The following LRRIQ3 variants were observed in gnomAD, a reference collection of about 807,000 sequenced individuals.
The protein encoded by LRRIQ3 is leucine-rich repeat and IQ domain-containing protein 3.
Under a neutral mutation model 59.3 loss-of-function variants are expected in LRRIQ3, and 75 were observed. That is an observed-to-expected ratio of 1.26 (90% CI 1.05 to 1.53). LRRIQ3 has a LOEUF of 1.53. Ranked by LOEUF, LRRIQ3 falls within the 40% of genes most tolerant of loss-of-function variation. The pLI is 0.00. For missense variants in LRRIQ3, 831 were observed against 710.0 expected, an observed-to-expected ratio of 1.17 and a Z score of -1.94; for synonymous variants, 250 against 231.3, an observed-to-expected ratio of 1.08 and a Z score of -0.73.
Position 74,183,612 on chromosome 1 carries a change from C to G in LRRIQ3, c.73G>C (p.Glu25Gln). 2 of 1,611,966 alleles carry G rather than the reference C, an allele frequency of 1.2e-6. No individual in the cohort carries two copies. The highest frequency in any genetic ancestry group is 1.7e-4 in the Middle Eastern group (1 of 6,050). Residue 25 changes from glutamate (E) to glutamine (Q), a missense_variant, in exon 2 of 8, where the codon GAA (glutamate) becomes CAA (glutamine). Coordinates refer to ENST00000354431, the MANE Select transcript of LRRIQ3 (RefSeq NM_001105659.2). Reference sequence around the variant, plus strand: ...ACAAAAACAAAATCTTTTTGACCTTCTCTTATGTTTTCATTATAGTGACTC... The same window carrying G: ...ACAAAAACAAAATCTTTTTGACCTTGTCTTATGTTTTCATTATAGTGACTC... Reference protein sequence around the residue: ...EWSHYNENIREGQKDFVFVKF... With the variant: ...EWSHYNENIRQGQKDFVFVKF...
chr1:74,087,655 T>C (rs1464687106), intron 5 of LRRIQ3, among the ~76,000 whole-genome samples: 4 of 152,124 alleles, frequency 2.6e-5, no homozygotes. Context: ...TTGATATCTG[T>C]ATTGATACTT....
At chr1:74,112,808 A>G (rs1211759574) in intron 4 of LRRIQ3, among the ~76,000 whole-genome samples, 2 of 152,170 alleles carry the variant, frequency 1.3e-5, no homozygotes, top group African/African-American at 2.4e-5. Context: ...CCAAATTATT[A>G]AACAAATAAA....
At chr1:74,130,459 G>A (rs921885889) in intron 4 of LRRIQ3, among the ~76,000 whole-genome samples, 8 of 152,078 alleles carry the variant, frequency 5.3e-5, no homozygotes, top group South Asian at 2.1e-4. Flanking sequence ...CTCTTTCCAC[G>A]CCATGTGGCC....
chr1:74,192,626 T>TA (rs1175542275), intron 1 of LRRIQ3, among the ~76,000 whole-genome samples: 1 of 152,134 alleles, frequency 6.6e-6, no homozygotes, highest in Non-Finnish European at 1.5e-5. Flanking sequence ...TTTTCTCTAT[T>TA]AATATTCACC....
rs1654342359 is a variant in LRRIQ3, at chr1:74,050,629, G to A, written c.998-8696C>T. 3 of 959,682 alleles carry A rather than the reference G, an allele frequency of 3.1e-6. No individual in the cohort carries two copies. In the South Asian group the frequency reaches 1.4e-4, roughly 46 times the overall value. The allele number at this position is 959,682 out of a possible 1,614,324, so 59.4% of individuals were successfully genotyped here. ...AAATCAGCATAGCTGTGATTTGAAT[G>A]CTCACAAGTGGGTCTGAAGCAGTTG... On this transcript the variant is annotated intron_variant, in intron 6 of 7. Coordinates refer to ENST00000354431, the MANE Select transcript of LRRIQ3 (RefSeq NM_001105659.2).
chr1:74,130,356 C>A (rs887413388), intron 4 of LRRIQ3, among the ~76,000 whole-genome samples: 1 of 152,064 alleles, frequency 6.6e-6, no homozygotes, highest in African/African-American at 2.4e-5. Context: ...CTGAGTTCCA[C>A]CAAGTGCCAC....
intron 6 of LRRIQ3, among the ~76,000 whole-genome samples, chr1:74,066,565 T>C (rs961958440): frequency 3.3e-5 from 5 of 152,162 alleles, no homozygotes; most frequent in Non-Finnish European, 7.4e-5. Flanking sequence ...AATTATTCTG[T>C]GCTAGATATT....
chr1:74,146,022 T>C (rs1248364170), intron 4 of LRRIQ3, among the ~76,000 whole-genome samples: 1 of 152,144 alleles, frequency 6.6e-6, no homozygotes, highest in Admixed American at 6.6e-5. Flanking sequence ...CACAAATATT[T>C]ATCATTATCT....
At chr1:74,090,840 G>A (rs1229089373) in intron 5 of LRRIQ3, among the ~76,000 whole-genome samples, 2 of 152,102 alleles carry the variant, frequency 1.3e-5, no homozygotes, top group Non-Finnish European at 2.9e-5. Context: ...ATTGGAGTGA[G>A]CCATGAATGT....
intron 7 of LRRIQ3, 32 bp downstream of exon 7, chr1:74,041,181 T>C (rs1654032102): frequency 6.8e-7 from 1 of 1,462,330 alleles, no homozygotes; most frequent in Admixed American, 2.2e-5. Context: ...TAATTGACTT[T>C]AATGCCTCTG....
chr1:74,158,192 C>A (rs1648453003), intron 3 of LRRIQ3, among the ~76,000 whole-genome samples: 1 of 152,104 alleles, frequency 6.6e-6, no homozygotes, highest in Non-Finnish European at 1.5e-5. Context: ...TACTAAAATT[C>A]TCCTAACTTA....
intron 5 of LRRIQ3, among the ~76,000 whole-genome samples, chr1:74,076,843 C>A (rs1438549258): frequency 1.3e-5 from 2 of 151,870 alleles, no homozygotes; most frequent in Non-Finnish European, 2.9e-5. Flanking sequence ...TTTAAAAATT[C>A]TTCACTCAAC....
chr1:74,122,618 C>A (rs547192446), intron 4 of LRRIQ3, among the ~76,000 whole-genome samples: 1 of 152,200 alleles, frequency 6.6e-6, no homozygotes, highest in East Asian at 1.9e-4. Flanking sequence ...GGAAAACTGG[C>A]TAGCCATACG....
chr1:74,108,299 G>A (rs1488455089), intron 5 of LRRIQ3, among the ~76,000 whole-genome samples: 1 of 151,706 alleles, frequency 6.6e-6, no homozygotes, highest in African/African-American at 2.4e-5. Context: ...TCTACACAGA[G>A]GGTCAAAACA....
chr1:74,039,204 G>A (rs995773639), intron 7 of LRRIQ3, among the ~76,000 whole-genome samples: 1 of 152,052 alleles, frequency 6.6e-6, no homozygotes, highest in South Asian at 2.1e-4. Context: ...CAGGTGAATC[G>A]ACCAAGTAGA....
chr1:74,128,705 C>A (rs1351924821), intron 4 of LRRIQ3, among the ~76,000 whole-genome samples: 1 of 152,122 alleles, frequency 6.6e-6, no homozygotes, highest in Non-Finnish European at 1.5e-5. Context: ...TTATTGGACT[C>A]TTTGCAGTCT....
intron 4 of LRRIQ3, among the ~76,000 whole-genome samples, chr1:74,122,354 T>G (rs1646871689): frequency 6.6e-6 from 1 of 152,188 alleles, no homozygotes; most frequent in Non-Finnish European, 1.5e-5. Flanking sequence ...TTTTTTCATG[T>G]GTCTTTTGGC....
chr1:74,155,613 A>G (rs984558485), intron 4 of LRRIQ3, 120 bp downstream of exon 4: 7 of 806,970 alleles, frequency 8.7e-6, no homozygotes, highest in Non-Finnish European at 1.3e-5. Flanking sequence ...GGTTAAACAG[A>G]CTATACCATT....
At chr1:74,169,907 A>T (rs1268343400) in intron 3 of LRRIQ3, among the ~76,000 whole-genome samples, 1 of 152,046 alleles carries the variant, frequency 6.6e-6, no homozygotes, top group Non-Finnish European at 1.5e-5. Context: ...TTCATTTCTC[A>T]TATGATTAGT....
Sources: allele counts gnomAD v4.1 joint callset (sites outside exome capture counted in the v4.1 genomes callset), GRCh38; gene constraint gnomAD v4.1.1; transcripts MANE v1.5; gene names NCBI Gene and HGNC (gene_info 2026-07-23, HGNC 2026-07-21).